RNF111: variants seen among roughly 807,000 people sequenced by gnomAD.
The protein encoded by RNF111 is ring finger protein 111, also known as E3 ubiquitin-protein ligase Arkadia.
Under a neutral mutation model 95.1 loss-of-function variants are expected in RNF111, and 17 were observed. The ratio of observed to expected loss-of-function variants is 0.18; its 90% CI spans 0.12 to 0.27. The LOEUF (loss-of-function observed/expected upper bound fraction) is 0.27, where lower values mean the gene tolerates loss of function less well. Ranked by LOEUF, RNF111 falls within the 10% of genes least tolerant of loss-of-function variation. The pLI, the probability that RNF111 is intolerant of heterozygous loss-of-function variation, is 1.00. For synonymous variants in RNF111, 440 were observed against 414.8 expected (o/e 1.06, Z -0.74); for missense variants, 1,189 against 1,210.4 (o/e 0.98, Z 0.26).
chr15:59,045,700 C>T (rs2041676873), intron 2 of RNF111, among the ~76,000 whole-genome samples: 1 of 152,014 alleles, frequency 6.6e-6, no homozygotes. Flanking sequence ...GTACTTTTAC[C>T]ACCATACTTA....
chr15:59,005,710 G>T (rs1357288434), intron 1 of RNF111, among the ~76,000 whole-genome samples: 1 of 152,112 alleles, frequency 6.6e-6, no homozygotes, highest in African/African-American at 2.4e-5. Flanking sequence ...TGGTGATCGT[G>T]GGTAGGGGGA....
At chr15:59,076,261 A>T in intron 7 of RNF111, 46 bp downstream of exon 7, 1 of 1,582,618 alleles carries the variant, frequency 6.3e-7, no homozygotes, top group Non-Finnish European at 8.6e-7. Context: ...CATGTCAATG[A>T]AGCATTTTGT....
intron 1 of RNF111, among the ~76,000 whole-genome samples, chr15:59,029,593 A>G (rs868781915): frequency 4.6e-5 from 7 of 152,206 alleles, no homozygotes; most frequent in Admixed American, 1.3e-4. Flanking sequence ...CTGTAAGATT[A>G]TATATTTCTG....
intron 2 of RNF111, among the ~76,000 whole-genome samples, chr15:59,045,699 C>T (rs1042650300): frequency 2.0e-5 from 3 of 152,098 alleles, no homozygotes; most frequent in Non-Finnish European, 2.9e-5. Context: ...TGTACTTTTA[C>T]CACCATACTT....
intron 2 of RNF111, among the ~76,000 whole-genome samples, chr15:59,040,474 A>G (rs2041396696): frequency 6.6e-6 from 1 of 152,138 alleles, no homozygotes; most frequent in African/African-American, 2.4e-5. Flanking sequence ...AAATGTAAAG[A>G]TTTTAGAAAA....
At chr15:59,049,362 A>ATTTTTTTTTTT (rs567223230) in intron 2 of RNF111, 3 of 70,754 alleles carry the variant, frequency 4.2e-5, no homozygotes, top group African/African-American at 6.3e-5. Context: ...GGTGTCTTTG[A>ATTTTTTTTTTT]TTTTTTTTTT....
intron 1 of RNF111, among the ~76,000 whole-genome samples, chr15:59,021,736 A>C (rs2141659789): frequency 6.6e-6 from 1 of 152,288 alleles, no homozygotes; most frequent in East Asian, 1.9e-4. Flanking sequence ...CTGGATCGAA[A>C]ATCTACATCA....
At chr15:59,019,612 G>C (rs1474694485) in intron 1 of RNF111, among the ~76,000 whole-genome samples, 1 of 151,942 alleles carries the variant, frequency 6.6e-6, no homozygotes, top group African/African-American at 2.4e-5. Context: ...TGTTGCTTTG[G>C]GGAAAGTGAT....
chr15:59,045,218 T>C (rs1236023661), intron 2 of RNF111, among the ~76,000 whole-genome samples: 1 of 151,822 alleles, frequency 6.6e-6, no homozygotes, highest in Non-Finnish European at 1.5e-5. Context: ...GACAGAGTTT[T>C]TGTTCTTGTC....
chr15:59,045,168 GTT>G (rs5812960), intron 2 of RNF111, among the ~76,000 whole-genome samples: 1 of 143,512 alleles, frequency 7.0e-6, no homozygotes. Context: ...ATTTTTTACA[GTT>G]TTTTTTTTTA....
intron 2 of RNF111, among the ~76,000 whole-genome samples, chr15:59,040,977 CTCTT>C (rs1247811578): frequency 2.6e-5 from 4 of 152,224 alleles, no homozygotes; most frequent in Middle Eastern, 3.4e-3. Flanking sequence ...TTTTGGTTAA[CTCTT>C]TCATTTTTTT....
intron 1 of RNF111, among the ~76,000 whole-genome samples, chr15:59,014,812 G>A (rs532583004): frequency 6.0e-5 from 9 of 151,196 alleles, no homozygotes; most frequent in Admixed American, 1.3e-4. Flanking sequence ...CTGGAGTGCA[G>A]TGGCACCATC....
intron 13 of RNF111, among the ~76,000 whole-genome samples, chr15:59,093,759 A>G (rs1007612285): frequency 2.0e-5 from 3 of 152,058 alleles, no homozygotes; most frequent in Non-Finnish European, 2.9e-5. Flanking sequence ...TATTGCCCTA[A>G]TTTATAAGGA....
At chr15:58,997,841 T>C (rs1162744641) in intron 1 of RNF111, among the ~76,000 whole-genome samples, 2 of 151,366 alleles carry the variant, frequency 1.3e-5, no homozygotes, top group African/African-American at 4.9e-5. Flanking sequence ...ACCCAAAAAA[T>C]TTGTAAATTT....
chr15:59,081,338 A>G, intron 8 of RNF111, 54 bp downstream of exon 8: 1 of 1,449,484 alleles, frequency 6.9e-7, no homozygotes, highest in Non-Finnish European at 9.4e-7. Flanking sequence ...TTCTACTTCC[A>G]TTGGTCTTTA....
chr15:59,002,873 C>T (rs139013961), intron 1 of RNF111, among the ~76,000 whole-genome samples: 4 of 152,276 alleles, frequency 2.6e-5, no homozygotes, highest in Non-Finnish European at 5.9e-5. Context: ...TACTCTTCCT[C>T]TAGAATTGTG....
chr15:59,039,250 C>T (rs1246571908), intron 2 of RNF111, among the ~76,000 whole-genome samples: 1 of 152,184 alleles, frequency 6.6e-6, no homozygotes, highest in Non-Finnish European at 1.5e-5. Context: ...AGGTGTGAGC[C>T]ACCACTCCCG....
At chr15:59,039,317 T>C (rs2041336128) in intron 2 of RNF111, among the ~76,000 whole-genome samples, 2 of 152,158 alleles carry the variant, frequency 1.3e-5, no homozygotes, top group African/African-American at 2.4e-5. Context: ...GGTTCTTCTA[T>C]AAAGGAAGAA....
At chr15:59,037,432 A>G (rs1566898914) in intron 2 of RNF111, among the ~76,000 whole-genome samples, 1 of 152,220 alleles carries the variant, frequency 6.6e-6, no homozygotes, top group Admixed American at 6.5e-5. Flanking sequence ...TATTTCTAGG[A>G]TCTATTCAGA....
Sources: allele counts gnomAD v4.1 joint callset (sites outside exome capture counted in the v4.1 genomes callset), GRCh38; gene constraint gnomAD v4.1.1; transcripts MANE v1.5; gene names NCBI Gene and HGNC (gene_info 2026-07-23, HGNC 2026-07-21).